ENOX1: variants seen among roughly 807,000 people sequenced by gnomAD.
The protein encoded by ENOX1 is ecto-NOX disulfide-thiol exchanger 1.
ENOX1 carries 42 observed loss-of-function variants against 82.5 expected under a neutral mutation model. That is an observed-to-expected ratio of 0.51 (90% CI 0.40 to 0.66). The LOEUF (loss-of-function observed/expected upper bound fraction) is 0.66, where lower values mean the gene tolerates loss of function less well. Among genes scored for constraint, ENOX1 ranks in the 30% least tolerant of loss-of-function variants. ENOX1 has a pLI of 0.00. For missense variants in ENOX1, 608 were observed against 811.6 expected (o/e 0.75, Z 3.05); for synonymous variants, 271 against 282.2 (o/e 0.96, Z 0.40).
At chr13:43,279,188 C>T (rs1163668440) in intron 12 of ENOX1, among the ~76,000 whole-genome samples, 2 of 152,300 alleles carry the variant, frequency 1.3e-5, no homozygotes, top group East Asian at 3.9e-4. Flanking sequence ...GTGGCATTCC[C>T]ATAATCCACT....
chr13:43,478,445 G>A (rs748335166), intron 3 of ENOX1, among the ~76,000 whole-genome samples: 5 of 151,832 alleles, frequency 3.3e-5, no homozygotes, highest in South Asian at 2.1e-4. Context: ...ACTTGATGTC[G>A]TATGCAAAAA....
chr13:43,402,202 A>G (rs1017868477), intron 5 of ENOX1, among the ~76,000 whole-genome samples: 1 of 152,200 alleles, frequency 6.6e-6, no homozygotes, highest in Non-Finnish European at 1.5e-5. Context: ...GACAGGGAAG[A>G]TACATTTTTA....
At chr13:43,764,566 A>G (rs1461796124) in intron 1 of ENOX1, among the ~76,000 whole-genome samples, 2 of 152,210 alleles carry the variant, frequency 1.3e-5, no homozygotes, top group East Asian at 1.9e-4. Context: ...GATTGTGTAA[A>G]TCTAGTTAAA....
chr13:43,721,058 C>A (rs1197891718), intron 1 of ENOX1, among the ~76,000 whole-genome samples: 34 of 152,012 alleles, frequency 2.2e-4, no homozygotes, highest in Non-Finnish European at 1.5e-5. Context: ...CCTTATTTAC[C>A]GGTAGTCCAA....
chr13:43,434,386 T>A (rs896872653), intron 3 of ENOX1, among the ~76,000 whole-genome samples: 2 of 152,182 alleles, frequency 1.3e-5, no homozygotes, highest in Non-Finnish European at 2.9e-5. Context: ...GTGTTGCACA[T>A]TGCCTCCCAC....
intron 1 of ENOX1, among the ~76,000 whole-genome samples, chr13:43,710,417 T>A (rs2153813087): frequency 6.6e-6 from 1 of 152,282 alleles, no homozygotes; most frequent in African/African-American, 2.4e-5. Flanking sequence ...ATGATTCATG[T>A]TAAAAATTAT....
At chr13:43,496,747 G>A (rs751563070) in intron 2 of ENOX1, among the ~76,000 whole-genome samples, 2 of 152,028 alleles carry the variant, frequency 1.3e-5, no homozygotes, top group Non-Finnish European at 2.9e-5. Flanking sequence ...TCAATTTACT[G>A]TATAAGTCTG....
At chr13:43,215,442 G>T (rs1263582708) in intron 16 of ENOX1, among the ~76,000 whole-genome samples, 1 of 152,234 alleles carries the variant, frequency 6.6e-6, no homozygotes, top group Non-Finnish European at 1.5e-5. Context: ...GACAGATTAT[G>T]TGAAGGTTCA....
At chr13:43,560,296 T>A (rs569051916) in intron 2 of ENOX1, among the ~76,000 whole-genome samples, 23 of 152,300 alleles carry the variant, frequency 1.5e-4, no homozygotes, top group African/African-American at 5.5e-4. Context: ...AATTAAAAAA[T>A]ACGCAATATG....
rs117906371 is a variant in ENOX1 at position 43,400,293 on chromosome 13, T to C, written c.208+11623A>G. Among the ~76,000 whole-genome samples the C allele has an allele frequency of 1.4e-4, 22 of 152,294 alleles. No individual in the cohort carries two copies. The East Asian group carries it at 4.0e-3, about 28-fold the overall frequency. On this transcript the variant is annotated intron_variant, in intron 5 of 16. Transcript: ENST00000690772. ...CCATTCCTCATCAGCCCACTTATCC[T>C]CAGCAGATGCCTGTCCTTTTCTGAG...
intron 2 of ENOX1, among the ~76,000 whole-genome samples, chr13:43,630,846 C>T (rs573060443): frequency 0.023 from 3,266 of 139,510 alleles, 122 homozygotes; most frequent in African/African-American, 0.08. Context: ...CACACACACA[C>T]ATATATATAT....
At chr13:43,429,437 A>G (rs1056523329) in intron 3 of ENOX1, among the ~76,000 whole-genome samples, 15 of 152,176 alleles carry the variant, frequency 9.9e-5, no homozygotes, top group African/African-American at 3.6e-4. Flanking sequence ...TTTTTCTACA[A>G]GTATTTTGCT....
intron 1 of ENOX1, among the ~76,000 whole-genome samples, chr13:43,711,970 G>C (rs1478544710): frequency 6.9e-6 from 1 of 144,544 alleles, no homozygotes; most frequent in African/African-American, 2.5e-5. Flanking sequence ...CATTGCTTTT[G>C]GTGTTTTAGA....
At chr13:43,522,902 A>G (rs1448041166) in intron 2 of ENOX1, among the ~76,000 whole-genome samples, 1 of 151,030 alleles carries the variant, frequency 6.6e-6, no homozygotes, top group African/African-American at 2.5e-5. Context: ...TTCACTAAGA[A>G]TAACAGGAAA....
At chr13:43,588,403 G>T (rs1404249966) in intron 2 of ENOX1, among the ~76,000 whole-genome samples, 1 of 152,086 alleles carries the variant, frequency 6.6e-6, no homozygotes, top group Non-Finnish European at 1.5e-5. Flanking sequence ...ATCAGTAATC[G>T]TCATAACGCT....
At chr13:43,389,785 A>G (rs574318893) in intron 5 of ENOX1, among the ~76,000 whole-genome samples, 2 of 152,338 alleles carry the variant, frequency 1.3e-5, no homozygotes, top group East Asian at 3.9e-4. Flanking sequence ...AAATACAGTC[A>G]TCTTGTTTAA....
chr13:43,354,456 C>G (rs1031121163), intron 8 of ENOX1, among the ~76,000 whole-genome samples: 1 of 151,224 alleles, frequency 6.6e-6, no homozygotes, highest in South Asian at 2.1e-4. Context: ...AAGCACAGCA[C>G]CCCCGCTGCC....
chr13:43,401,242 C>A (rs971622293), intron 5 of ENOX1, among the ~76,000 whole-genome samples: 4 of 152,182 alleles, frequency 2.6e-5, no homozygotes, highest in African/African-American at 9.7e-5. Context: ...CTGTAAACTT[C>A]TGCTTCCAGC....
intron 16 of ENOX1, among the ~76,000 whole-genome samples, chr13:43,216,342 G>A (rs2041481426): frequency 6.6e-6 from 1 of 152,180 alleles, no homozygotes. Context: ...TCAGGGTATT[G>A]TAAGGATTAT....
Sources: gnomAD v4.1 joint callset for allele counts (sites outside exome capture counted in the v4.1 genomes callset) on GRCh38, gnomAD v4.1.1 for gene constraint, MANE v1.5 for transcripts, NCBI Gene and HGNC (gene_info 2026-07-23, HGNC 2026-07-21) for gene names.